Variants in SLC24A2 observed in about 807,000 individuals in gnomAD.
SLC24A2 encodes solute carrier family 24 member 2.
SLC24A2 carries 36 observed loss-of-function variants against 62.0 expected under a neutral mutation model. That is an observed-to-expected ratio of 0.58 (90% CI 0.44 to 0.77). The LOEUF (loss-of-function observed/expected upper bound fraction) is 0.77. Ranked by LOEUF, SLC24A2 falls within the 30% of genes least tolerant of loss-of-function variation. The probability of loss-of-function intolerance (pLI) is 0.00; values close to 1 mark genes in which losing one functional copy is unlikely to be tolerated. For synonymous variants in SLC24A2, 358 were observed against 294.0 expected (o/e 1.22, Z -2.23); for missense variants, 846 against 817.9 (o/e 1.03, Z -0.42).
chr9:20,166,943 C>T, the SLC24A2 span, among the ~76,000 whole-genome samples: 1 of 151,950 alleles, frequency 6.6e-6, no homozygotes, highest in Admixed American at 6.6e-5. Context: ...CAGGCTCAAC[C>T]TAACCTTTCA....
At chr9:20,271,861 T>C in the SLC24A2 span, among the ~76,000 whole-genome samples, 5 of 152,200 alleles carry the variant, frequency 3.3e-5, no homozygotes, top group African/African-American at 1.2e-4. Context: ...AGATTATCCA[T>C]TTGTAAGGAT....
At chr9:20,072,543 A>G in the SLC24A2 span, among the ~76,000 whole-genome samples, 1 of 152,142 alleles carries the variant, frequency 6.6e-6, no homozygotes, top group South Asian at 2.1e-4. Flanking sequence ...TGTGATCTGT[A>G]TATAACATAT....
the SLC24A2 span, among the ~76,000 whole-genome samples, chr9:20,168,665 C>T: frequency 6.6e-6 from 1 of 152,052 alleles, no homozygotes; most frequent in East Asian, 1.9e-4. Context: ...CACTTTACAT[C>T]TACTGGGATG....
At chr9:20,131,225 A>G in the SLC24A2 span, among the ~76,000 whole-genome samples, 1 of 152,064 alleles carries the variant, frequency 6.6e-6, no homozygotes, top group Non-Finnish European at 1.5e-5. Flanking sequence ...AGGCCACAAT[A>G]TCATCTCCCC....
At chr9:19,738,919 C>T (rs1232418255) in intron 2 of SLC24A2, among the ~76,000 whole-genome samples, 1 of 152,090 alleles carries the variant, frequency 6.6e-6, no homozygotes, top group African/African-American at 2.4e-5. Context: ...GAGTTCCAGA[C>T]CAGCCTGGCC....
At chr9:19,654,759 T>C (rs372919597) in intron 2 of SLC24A2, among the ~76,000 whole-genome samples, 14 of 152,310 alleles carry the variant, frequency 9.2e-5, no homozygotes, top group African/African-American at 2.9e-4. Context: ...AGTTCCATGA[T>C]TGCAATGATG....
the SLC24A2 span, among the ~76,000 whole-genome samples, chr9:20,303,464 G>C: frequency 6.6e-6 from 1 of 152,084 alleles, no homozygotes; most frequent in Non-Finnish European, 1.5e-5. Flanking sequence ...AATCCCACAA[G>C]TCTGTTCCCT....
the SLC24A2 span, among the ~76,000 whole-genome samples, chr9:19,868,538 T>G: frequency 3.3e-5 from 5 of 152,210 alleles, no homozygotes; most frequent in Admixed American, 3.3e-4. Context: ...ATGTCCTTGT[T>G]AAATTTCTGT....
the SLC24A2 span, among the ~76,000 whole-genome samples, chr9:19,818,185 C>T: frequency 6.6e-6 from 1 of 152,084 alleles, no homozygotes; most frequent in Non-Finnish European, 1.5e-5. Context: ...TTTCCACATT[C>T]TTGTAACATT....
chr9:19,554,910 C>T (rs1486641797), intron 7 of SLC24A2, among the ~76,000 whole-genome samples: 2 of 152,198 alleles, frequency 1.3e-5, no homozygotes, highest in East Asian at 1.9e-4. Flanking sequence ...GGGATAAAGG[C>T]ACCCACATGC....
chr9:19,575,791 T>C (rs1448156890), intron 6 of SLC24A2, among the ~76,000 whole-genome samples: 2 of 152,232 alleles, frequency 1.3e-5, no homozygotes, highest in Non-Finnish European at 2.9e-5. Context: ...TACCTCATTC[T>C]ATAAAAGACA....
the SLC24A2 span, among the ~76,000 whole-genome samples, chr9:20,125,605 C>G: frequency 6.6e-6 from 1 of 152,096 alleles, no homozygotes; most frequent in African/African-American, 2.4e-5. Context: ...TAATGTGTCC[C>G]CTCATTCCAC....
intron 2 of SLC24A2, among the ~76,000 whole-genome samples, chr9:19,736,213 A>G (rs991917554): frequency 1.3e-5 from 2 of 152,140 alleles, no homozygotes; most frequent in African/African-American, 2.4e-5. Flanking sequence ...GAAACAAAAT[A>G]TAATAATAAT....
Position 19,636,315 on chromosome 9 carries a change from T to TTTTCTTTTCCTTTCTTTC in SLC24A2, c.931-14017_931-14016insGAAAGAAAGGAAAAGAAA. On this transcript the variant is annotated intron_variant, in intron 2 of 10. Transcript: ENST00000341998. ...TTTTCTTTTCTTTTCTTTTCTTTTC[T>TTTTCTTTTCCTTTCTTTC]TTTCTTTCTTTCTTTCTTTCTTTCT... 9.9e-4 allele frequency among the ~76,000 whole-genome samples: 40 copies of TTTTCTTTTCCTTTCTTTC among 40,320 alleles called. 5 individuals are homozygous for TTTTCTTTTCCTTTCTTTC. The highest frequency in any genetic ancestry group is 1.6e-3 in the African/African-American group (14 of 8,652). 26.5% of individuals were successfully genotyped at this position (40,320 alleles called of 152,430 possible). A position where few individuals can be genotyped will look rare whatever the true frequency, so the allele number is the denominator to read the frequency against.
intron 3 of SLC24A2, among the ~76,000 whole-genome samples, chr9:19,622,050 C>T (rs1464963100): frequency 3.3e-5 from 5 of 152,168 alleles, no homozygotes; most frequent in African/African-American, 1.2e-4. Flanking sequence ...ACTTTTGAAA[C>T]CTAGTCCCAG....
chr9:20,079,379 A>G, the SLC24A2 span, among the ~76,000 whole-genome samples: 4 of 152,206 alleles, frequency 2.6e-5, no homozygotes, highest in Non-Finnish European at 5.9e-5. Context: ...AAACATACAC[A>G]GTTTTTTGCA....
the SLC24A2 span, among the ~76,000 whole-genome samples, chr9:19,914,163 C>G: frequency 2.0e-5 from 3 of 151,954 alleles, no homozygotes; most frequent in African/African-American, 7.2e-5. Flanking sequence ...ACTTTTTGTC[C>G]TTACTTTTAT....
At chr9:19,523,786 G>A (rs1357864241) in intron 9 of SLC24A2, among the ~76,000 whole-genome samples, 1 of 152,124 alleles carries the variant, frequency 6.6e-6, no homozygotes, top group African/African-American at 2.4e-5. Flanking sequence ...TTATAACTCA[G>A]ACATTACTCC....
chr9:19,892,086 C>G, the SLC24A2 span, among the ~76,000 whole-genome samples: 1 of 152,212 alleles, frequency 6.6e-6, no homozygotes, highest in Non-Finnish European at 1.5e-5. Flanking sequence ...CATGGGCCTT[C>G]TTTTTGTCCC....
Sources: gnomAD v4.1 joint callset for allele counts (sites outside exome capture counted in the v4.1 genomes callset) on GRCh38, gnomAD v4.1.1 for gene constraint, MANE v1.5 for transcripts, NCBI Gene and HGNC (gene_info 2026-07-23, HGNC 2026-07-21) for gene names.